The following NCKAP5 variants were observed in gnomAD, a reference collection of about 807,000 sequenced individuals.
The protein encoded by NCKAP5 is NCK associated protein 5.
Under a neutral mutation model 167.0 loss-of-function variants are expected in NCKAP5, and 92 were observed. The ratio of observed to expected loss-of-function variants is 0.55; its 90% CI spans 0.47 to 0.66. NCKAP5 has a LOEUF of 0.66. Ranked by LOEUF, NCKAP5 falls within the 30% of genes least tolerant of loss-of-function variation. The pLI, the probability that NCKAP5 is intolerant of heterozygous loss-of-function variation, is 0.00. For synonymous variants in NCKAP5, 891 were observed against 877.4 expected (o/e 1.02, Z -0.27); for missense variants, 2,378 against 2,315.0 (o/e 1.03, Z -0.56).
chr2:133,131,132 C>A (rs1205896019), intron 5 of NCKAP5, among the ~76,000 whole-genome samples: 1 of 152,230 alleles, frequency 6.6e-6, no homozygotes, highest in Non-Finnish European at 1.5e-5. Context: ...GACAGATTTT[C>A]TCCAGCTCTA....
At chr2:133,377,883 C>T (rs772833646) in intron 3 of NCKAP5, among the ~76,000 whole-genome samples, 1 of 152,102 alleles carries the variant, frequency 6.6e-6, no homozygotes, top group East Asian at 1.9e-4. Flanking sequence ...TTCATGAGAC[C>T]AGGAAAACCC....
At chr2:132,964,548 A>G (rs1322143914) in intron 7 of NCKAP5, among the ~76,000 whole-genome samples, 1 of 152,180 alleles carries the variant, frequency 6.6e-6, no homozygotes, top group Non-Finnish European at 1.5e-5. Flanking sequence ...TACTAAGTTA[A>G]GCCTCATGAA....
intron 11 of NCKAP5, among the ~76,000 whole-genome samples, chr2:132,845,240 A>G (rs1297063311): frequency 1.3e-5 from 2 of 152,132 alleles, no homozygotes; most frequent in Non-Finnish European, 2.9e-5. Flanking sequence ...CTTTTCTCCT[A>G]GTCTATTGCC....
intron 8 of NCKAP5, among the ~76,000 whole-genome samples, chr2:132,946,001 T>G (rs1334026747): frequency 6.6e-6 from 1 of 152,256 alleles, no homozygotes; most frequent in Middle Eastern, 3.2e-3. Flanking sequence ...CCATTTTCCT[T>G]TGTCAGGAAA....
chr2:133,109,498 G>A (rs958282633), intron 6 of NCKAP5, among the ~76,000 whole-genome samples: 2 of 152,068 alleles, frequency 1.3e-5, no homozygotes, highest in Non-Finnish European at 2.9e-5. Flanking sequence ...AGTTACTGCC[G>A]AAGGATATAT....
At chr2:133,404,826 C>T (rs906894541) in intron 3 of NCKAP5, among the ~76,000 whole-genome samples, 4 of 152,116 alleles carry the variant, frequency 2.6e-5, no homozygotes, top group Admixed American at 1.3e-4. Flanking sequence ...TGCTGTCTTC[C>T]GCTCTTTAGC....
At chr2:133,509,343 AAAAC>A (rs762819857) in intron 3 of NCKAP5, among the ~76,000 whole-genome samples, 4 of 152,248 alleles carry the variant, frequency 2.6e-5, no homozygotes, top group East Asian at 3.8e-4. Context: ...TCTCTGATGT[AAAAC>A]AAACAAACAA....
intron 13 of NCKAP5, among the ~76,000 whole-genome samples, chr2:132,789,493 A>G (rs907743985): frequency 9.2e-5 from 14 of 152,228 alleles, no homozygotes; most frequent in African/African-American, 3.4e-4. Context: ...CTTGGTTTCT[A>G]CACTGCTAAA....
intron 6 of NCKAP5, among the ~76,000 whole-genome samples, chr2:133,035,421 A>G (rs1333882725): frequency 6.6e-6 from 1 of 152,044 alleles, no homozygotes; most frequent in Non-Finnish European, 1.5e-5. Context: ...TCTAACAGAT[A>G]TTTACAGAAT....
At chr2:132,742,372 CTTTA>C (rs1475757938) in intron 16 of NCKAP5, among the ~76,000 whole-genome samples, 1 of 152,044 alleles carries the variant, frequency 6.6e-6, no homozygotes, top group South Asian at 2.1e-4. Flanking sequence ...TTTAAATCAG[CTTTA>C]TTTGTCAAGA....
At chr2:133,570,029 G>A (rs980043030), upstream of NCKAP5, among the ~76,000 whole-genome samples, 1 of 151,250 alleles carries the variant, frequency 6.6e-6, no homozygotes, top group Non-Finnish European at 1.5e-5. Flanking sequence ...GCCAATAAAA[G>A]GGAGACTAAT....
intron 8 of NCKAP5, among the ~76,000 whole-genome samples, chr2:132,923,754 T>A (rs1295733452): frequency 6.6e-6 from 1 of 152,208 alleles, no homozygotes; most frequent in Non-Finnish European, 1.5e-5. Flanking sequence ...CTAATAATTG[T>A]TTTATAACTC....
intron 3 of NCKAP5, among the ~76,000 whole-genome samples, chr2:133,440,774 G>A (rs1185270829): frequency 2.0e-5 from 3 of 149,850 alleles, no homozygotes; most frequent in Non-Finnish European, 4.4e-5. Flanking sequence ...GGAGTATGGT[G>A]CTCATTGGCT....
At chr2:132,725,835 C>T in intron 18 of NCKAP5, 76 bp from the exon 19 acceptor site, 1 of 1,420,546 alleles carries the variant, frequency 7.0e-7, no homozygotes, top group South Asian at 1.2e-5. Flanking sequence ...GAGGATGCGA[C>T]ACAGTTCACA....
At chr2:132,752,425 G>T (rs1186678065) in intron 16 of NCKAP5, among the ~76,000 whole-genome samples, 1 of 152,226 alleles carries the variant, frequency 6.6e-6, no homozygotes, top group Non-Finnish European at 1.5e-5. Flanking sequence ...AAACGGAAAG[G>T]CTTTTAATAA....
intron 5 of NCKAP5, among the ~76,000 whole-genome samples, chr2:133,213,418 T>G (rs1376408553): frequency 6.6e-6 from 1 of 152,190 alleles, no homozygotes; most frequent in Non-Finnish European, 1.5e-5. Context: ...GAACTGTTGC[T>G]CATTTGTGGA....
intron 3 of NCKAP5, among the ~76,000 whole-genome samples, chr2:133,432,280 ATC>A (rs1183180635): frequency 2.0e-5 from 3 of 152,226 alleles, no homozygotes; most frequent in Non-Finnish European, 4.4e-5. Context: ...ATTATTAATA[ATC>A]TGTTTCCAGC....
intron 8 of NCKAP5, among the ~76,000 whole-genome samples, chr2:132,929,291 GA>G (rs56917331): frequency 0.022 from 3,213 of 149,354 alleles, 109 homozygotes; most frequent in African/African-American, 0.073. Flanking sequence ...CAGAGGCAAT[GA>G]AAAAAAAAAT....
chr2:133,649,808 A>C, the NCKAP5 span, among the ~76,000 whole-genome samples: 1 of 152,182 alleles, frequency 6.6e-6, no homozygotes, highest in Non-Finnish European at 1.5e-5. Context: ...GGAGCAAGAC[A>C]AAATTTCCCA....
Sources: allele counts gnomAD v4.1 joint callset (sites outside exome capture counted in the v4.1 genomes callset), GRCh38; gene constraint gnomAD v4.1.1; transcripts MANE v1.5; gene names NCBI Gene and HGNC (gene_info 2026-07-23, HGNC 2026-07-21).